The following POMC variants were observed in gnomAD, a reference collection of about 807,000 sequenced individuals.
The protein encoded by POMC is proopiomelanocortin.
POMC carries 19 observed loss-of-function variants against 18.5 expected under a neutral mutation model. The ratio of observed to expected loss-of-function variants is 1.03; its 90% confidence interval spans 0.72 to 1.51. POMC has a LOEUF of 1.51. Ranked by LOEUF, POMC falls within the 40% of genes most tolerant of loss-of-function variation. POMC has a pLI of 0.00. For missense variants in POMC, 451 were observed against 379.0 expected, an observed-to-expected ratio of 1.19 and a Z score of -1.58; for synonymous variants, 179 against 161.9, an observed-to-expected ratio of 1.11 and a Z score of -0.80.
At chr2:25,162,465 A>C (rs1445530120) in intron 2 of POMC, among the ~76,000 whole-genome samples, 1 of 152,096 alleles carries the variant, frequency 6.6e-6, no homozygotes, top group Admixed American at 6.6e-5. Context: ...TCAAAAAAAT[A>C]AATAAATAAA....
chr2:25,164,738 A>G lies in POMC; in HGVS notation c.35T>C (p.Leu12Pro), dbSNP rs1671497976. The change falls in exon 2 of 3, where the codon CTG becomes CCG. Residue 12 changes from leucine to proline, a missense_variant. Transcript: ENST00000395826. ...GGCCTGAAGCAGCAAGGCCAGCAAC[A>G]GGGCCCCCGAGCGGCTGCAGCACGA... is the stretch of plus-strand genomic sequence containing the variant. The part of the protein sequence containing the change: ...PRSCCSRSGA[L>P]LLALLLQASM... The G allele has an allele frequency of 6.2e-7, 1 of 1,614,008 alleles. No individual in the cohort carries two copies. The highest frequency in any genetic ancestry group is 8.5e-7 in the Non-Finnish European group (1 of 1,180,038).
intron 1 of POMC, 58 bp from the exon 2 acceptor site, chr2:25,164,850 C>T (rs887861277): frequency 6.3e-7 from 1 of 1,592,614 alleles, no homozygotes; most frequent in Non-Finnish European, 8.6e-7. Flanking sequence ...ATGTTGGCCA[C>T]TCACCAGGAA....
In POMC at chr2:25,161,038, T is replaced by C; in HGVS notation, c.*43A>G. On this transcript the variant is annotated 3_prime_UTR_variant, in exon 3 of 3. Coordinates refer to ENST00000395826, the MANE Select transcript of POMC (RefSeq NM_000939.4). The surrounding 1 kb of genome is among the most constrained non-coding windows in gnomAD (Gnocchi z 5.7). ...CAGGGGAGAGCAAGGGGCTTTGGGG[T>C]CGACCTCCTGGGGGAGGGTAGCCCT... 1.2e-6 allele frequency: 2 copies of C among 1,612,968 alleles called. No homozygotes were observed. Among genetic ancestry groups the C allele is most frequent in the Non-Finnish European group, 1.7e-6 (2 of 1,179,764 alleles).
rs1487794949 is a variant in POMC, at chr2:25,168,050, A to G, written c.-21+448T>C. ...ATGCCTGTAATCCCAGCTACTCGGG[A>G]GGCTGAAGCAGGAGAATCGCTTGAA... On this transcript the variant is annotated intron_variant, in intron 1 of 2. Transcript: ENST00000395826. The surrounding 1 kb of genome is among the most constrained non-coding windows in gnomAD (Gnocchi z 5.2). 6.6e-6 allele frequency among the ~76,000 whole-genome samples: 1 copy of G among 151,714 alleles called. No homozygotes were observed. Among genetic ancestry groups the G allele is most frequent in the East Asian group, 1.9e-4 (1 of 5,164 alleles).
rs1291381518 is a variant in POMC at position 25,168,338 on chromosome 2, A to C, written c.-21+160T>G. On this transcript the variant is annotated intron_variant, in intron 1 of 2. Coordinates refer to ENST00000395826, the MANE Select transcript of POMC (RefSeq NM_000939.4). This position sits in a 1 kb window ranked among gnomAD's most constrained non-coding sequence, Gnocchi z 5.2. ...CCAGCTCAGCTACTGGCGGCTTCTC[A>C]TGCCGCAGTCGGCGCAGAAAGTTTG... is the stretch of plus-strand genomic sequence containing the variant. Among the ~76,000 whole-genome samples the C allele has an allele frequency of 6.6e-6, 1 of 152,136 alleles. No individual in the cohort carries two copies. Among genetic ancestry groups the C allele is most frequent in the Non-Finnish European group, 1.5e-5 (1 of 68,018 alleles).
chr2:25,164,950 T>C, intron 1 of POMC, 158 bp from the exon 2 acceptor site: 1 of 698,192 alleles, frequency 1.4e-6, no homozygotes. Context: ...AGGTGTGCAG[T>C]ACAGCGGTGG....
chr2:25,161,365 G>C lies in POMC; in HGVS notation c.520C>G (p.Leu174Val), dbSNP rs1369085308. The C allele has an allele frequency of 1.2e-6, 2 of 1,606,300 alleles. No individual in the cohort carries two copies. The highest frequency in any genetic ancestry group is 1.7e-5 in the Admixed American group (1 of 58,974). ...CCAGTCAGCTCCCTCTTGAACTCCA[G>C]GGGGAAGGCCTCGGCCGACTCGTCC... ...AEDESAEAFPLEFKRELTGQR... is the reference protein window; with the variant it reads ...AEDESAEAFPVEFKRELTGQR... The change falls in exon 3 of 3, where the codon CTG becomes GTG. Residue 174 changes from leucine (L) to valine (V), a missense_variant. Leu to Val is a conservative substitution (Grantham distance 32). Transcript: ENST00000395826. This position sits in a 1 kb window ranked among gnomAD's most constrained non-coding sequence, Gnocchi z 5.7.
At chr2:25,162,122 G>A (rs1671414009) in intron 2 of POMC, among the ~76,000 whole-genome samples, 1 of 152,180 alleles carries the variant, frequency 6.6e-6, no homozygotes, top group Non-Finnish European at 1.5e-5. Context: ...GTGGCTCCAA[G>A]AAAGGCAGAC....
At chr2:25,166,095 G>A (rs1303900553) in intron 1 of POMC, among the ~76,000 whole-genome samples, 1 of 152,188 alleles carries the variant, frequency 6.6e-6, no homozygotes, top group African/African-American at 2.4e-5. Context: ...CCTCTGAAGC[G>A]CTGATTTCTA....
At position 25,164,793 on chromosome 2, in the gene POMC, C is replaced by T; in HGVS notation, c.-20-1G>A. 1 of 1,613,074 alleles carries T rather than the reference C, an allele frequency of 6.2e-7. No homozygotes were observed. On this transcript the variant is annotated splice_acceptor_variant, in intron 1 of 2. Coordinates refer to ENST00000395826, the MANE Select transcript of POMC (RefSeq NM_000939.4). LOFTEE classifies it low-confidence loss of function (5UTR_SPLICE). ...GGCATCTTCCAGGCAGGCTGAGGCT[C>T]TGCAGAAGCAAACAAGATTGGTGGG...
intron 1 of POMC, among the ~76,000 whole-genome samples, chr2:25,167,234 C>T (rs538621883): frequency 6.2e-4 from 95 of 152,290 alleles, no homozygotes; most frequent in African/African-American, 2.2e-3. Context: ...AACAGTAAGT[C>T]ATTAAAGTGG....
At chr2:25,165,599 G>A (rs1190883264) in intron 1 of POMC, 2 of 152,244 alleles carry the variant, frequency 1.3e-5, no homozygotes, top group Non-Finnish European at 2.9e-5. Flanking sequence ...TGAAGAGGAT[G>A]CAGATGTGGA....
intron 1 of POMC, among the ~76,000 whole-genome samples, chr2:25,167,466 A>C (rs1671594085): frequency 6.6e-6 from 1 of 152,130 alleles, no homozygotes. Context: ...CGTGCCCTCA[A>C]CCCAGGATCT....
rs374437764 is a variant in POMC, at chr2:25,163,289, C to T, written c.132+1352G>A. Among the ~76,000 whole-genome samples, 23 of 152,280 alleles carry T rather than the reference C, an allele frequency of 1.5e-4. No homozygotes were observed. In the South Asian group the frequency reaches 4.1e-3, roughly 27 times the overall value. On this transcript the variant is annotated intron_variant, in intron 2 of 2. Coordinates refer to ENST00000395826, the MANE Select transcript of POMC (RefSeq NM_000939.4). ...GAGGTGATAGGACCTGGTCAAGGTC[C>T]CACACCTCAAAACTGGGTCTAGAAC...
At chr2:25,164,615 C>T in intron 2 of POMC, 26 bp downstream of exon 2, 1 of 1,613,894 alleles carries the variant, frequency 6.2e-7, no homozygotes, top group African/African-American at 1.3e-5. Flanking sequence ...ATGTCTAAGC[C>T]AAGATGGCAG....
At position 25,161,211 on chromosome 2, in the gene POMC, T is replaced by G. The variant is rs776328489; in HGVS notation, c.674A>C (p.His225Pro). The G allele has an allele frequency of 9.9e-6, 16 of 1,613,514 alleles. No individual in the cohort carries two copies. Among genetic ancestry groups the G allele is most frequent in the Non-Finnish European group, 1.2e-5 (14 of 1,179,946 alleles). Residue 225 changes from histidine to proline, a missense_variant, in exon 3 of 3, where the codon CAC becomes CCC. Physicochemically the swap from His to Pro is moderately conservative, Grantham distance 77 (BLOSUM62 -2). Transcript: ENST00000395826. The surrounding 1 kb of genome is among the most constrained non-coding windows in gnomAD (Gnocchi z 5.7). ...KKDEGPYRME[H>P]FRWGSPPKDK... is the part of the protein sequence containing the mutation. The stretch of plus-strand genomic sequence containing the variant: ...CTTGGGCGGGCTGCCCCAGCGGAAG[T>G]GCTCCATCCTGTAGGGGCCCTCGTC...
Position 25,161,771 on chromosome 2 carries a change from G to T in POMC, c.133-19C>A. On this transcript the variant is annotated intron_variant, in intron 2 of 2. Coordinates refer to ENST00000395826, the MANE Select transcript of POMC (RefSeq NM_000939.4). The surrounding 1 kb of genome is among the most constrained non-coding windows in gnomAD (Gnocchi z 5.7). ...TGCACTCCTGGGGGAAGACGCGAGGGCATGAGGGCAGCCCGTGCCCCGCAC... is the reference window on the plus strand; with the variant it reads ...TGCACTCCTGGGGGAAGACGCGAGGTCATGAGGGCAGCCCGTGCCCCGCAC... The T allele has an allele frequency of 6.3e-7, 1 of 1,578,090 alleles. No individual in the cohort carries two copies. Among genetic ancestry groups the T allele is most frequent in the South Asian group, 1.2e-5 (1 of 86,314 alleles).
In POMC at chr2:25,168,477, T is replaced by TC. The variant is rs1296111218; in HGVS notation, c.-21+20dup. 1 of 151,746 alleles carries TC rather than the reference T, an allele frequency of 6.6e-6. No individual in the cohort carries two copies. Among genetic ancestry groups the TC allele is most frequent in the East Asian group, 1.9e-4 (1 of 5,192 alleles). 9.4% of individuals were successfully genotyped at this position (151,746 alleles called of 1,614,324 possible). On this transcript the variant is annotated intron_variant, in intron 1 of 2. Transcript: ENST00000395826. This position sits in a 1 kb window ranked among gnomAD's most constrained non-coding sequence, Gnocchi z 5.2. ...GGGGATCCCGGGGAAAGAGCACGGG[T>TC]CCCCCACGCTGCGCCCTTACCTGTC...
rs9973478 is a variant in POMC at position 25,163,703 on chromosome 2, C to T, written c.132+938G>A. On this transcript the variant is annotated intron_variant, in intron 2 of 2. Transcript: ENST00000395826. ...CCAGACTGGAGTGCAATGGTGTGATCATAGCTTACTGTGTCGTCAGACTCC... is the reference window on the plus strand; with the variant it reads ...CCAGACTGGAGTGCAATGGTGTGATTATAGCTTACTGTGTCGTCAGACTCC... 5.7e-3 allele frequency among the ~76,000 whole-genome samples: 873 copies of T among 152,306 alleles called. 7 individuals carry two copies. The highest frequency in any genetic ancestry group is 0.02 in the African/African-American group (838 of 41,564).
Sources: allele counts gnomAD v4.1 joint callset (sites outside exome capture counted in the v4.1 genomes callset), GRCh38; gene constraint gnomAD v4.1.1; non-coding constraint Gnocchi (gnomAD v3.1); transcripts MANE v1.5; gene names NCBI Gene and HGNC (gene_info 2026-07-23, HGNC 2026-07-21).